TMC2: variants seen among roughly 807,000 people sequenced by gnomAD.
TMC2 encodes the protein transmembrane channel-like protein 2.
Under a neutral mutation model 105.9 loss-of-function variants are expected in TMC2, and 102 were observed. That is an observed-to-expected ratio of 0.96 (90% CI 0.82 to 1.14). The LOEUF (loss-of-function observed/expected upper bound fraction) is 1.14, where lower values mean the gene tolerates loss of function less well. Ranked by LOEUF, TMC2 falls within the 50% of genes most tolerant of loss-of-function variation. The probability of loss-of-function intolerance (pLI) is 0.00; values close to 1 mark genes in which losing one functional copy is unlikely to be tolerated. For missense variants in TMC2, 1,093 were observed against 1,134.3 expected (o/e 0.96, Z 0.52); for synonymous variants, 402 against 422.8 (o/e 0.95, Z 0.60).
chr20:2,546,286 C>G (rs1330869341), intron 2 of TMC2, among the ~76,000 whole-genome samples: 2 of 152,028 alleles, frequency 1.3e-5, no homozygotes, highest in Non-Finnish European at 2.9e-5. Context: ...AAATGTGCAC[C>G]CTAGACAGTT....
In TMC2 at chr20:2,567,919, T is replaced by C. The variant is rs181393181; in HGVS notation, c.555-4260T>C. ...AGTAAAAACTCAGTGAACTTGGAGA[T>C]AGAACAAGAGAAATTACCCAATCTA... On this transcript the variant is annotated intron_variant, in intron 4 of 19. Transcript: ENST00000358864. 2.9e-3 allele frequency among the ~76,000 whole-genome samples: 434 copies of C among 152,040 alleles called. 3 individuals are homozygous for C. Among genetic ancestry groups the C allele is most frequent in the African/African-American group, 8.1e-3 (335 of 41,484 alleles).
rs763678587 is a variant in TMC2, at chr20:2,579,958, G to C, written c.736G>C (p.Gly246Arg). Reference sequence around the variant, plus strand: ...GTCTTTTCTCTCTCTAGGTCACTTTGGTTCTTCAGTGGCATCGTATTTCAT... The same window carrying C: ...GTCTTTTCTCTCTCTAGGTCACTTTCGTTCTTCAGTGGCATCGTATTTCAT... ...MKIKDIESHF[G>R]SSVASYFIFL... Residue 246 changes from glycine (G) to arginine (R), a missense_variant, in exon 7 of 20, where the codon GGT becomes CGT. Coordinates refer to ENST00000358864, the MANE Select transcript of TMC2 (RefSeq NM_080751.3). The C allele has an allele frequency of 1.2e-6, 2 of 1,612,792 alleles. No homozygotes were observed. Among genetic ancestry groups the C allele is most frequent in the African/African-American group, 1.3e-5 (1 of 74,832 alleles).
intron 16 of TMC2, among the ~76,000 whole-genome samples, chr20:2,620,859 A>C (rs374988369): frequency 1.3e-5 from 2 of 152,208 alleles, no homozygotes; most frequent in South Asian, 4.1e-4. Flanking sequence ...AGCTTGGCTG[A>C]TTGGATTTCA....
At chr20:2,640,515 C>G (rs2086680773) in intron 19 of TMC2, among the ~76,000 whole-genome samples, 1 of 152,166 alleles carries the variant, frequency 6.6e-6, no homozygotes, top group South Asian at 2.1e-4. Context: ...ATATGGGGAC[C>G]CTGGCTCCTT....
intron 10 of TMC2, among the ~76,000 whole-genome samples, chr20:2,599,295 T>TTA (rs34461838): frequency 7.9e-6 from 1 of 126,832 alleles, no homozygotes; most frequent in Non-Finnish European, 1.6e-5. Flanking sequence ...GGGATAATGT[T>TTA]AAAAAAAAAA....
At chr20:2,604,174 G>C (rs74532991) in intron 11 of TMC2, among the ~76,000 whole-genome samples, 4 of 152,210 alleles carry the variant, frequency 2.6e-5, no homozygotes, top group African/African-American at 9.6e-5. Flanking sequence ...TCGGGAGAAG[G>C]TTCCAGAGTT....
rs745736188 is a variant in TMC2 at position 2,545,904 on chromosome 20, G to GA, written c.82+8595dup. 6.5e-5 allele frequency among the ~76,000 whole-genome samples: 7 copies of GA among 106,950 alleles called. No individual in the cohort carries two copies. The South Asian group carries it at 1.8e-3, about 27-fold the overall frequency. The allele number at this position is 106,950 out of a possible 152,430, so 70.2% of individuals were successfully genotyped here. A position where few individuals can be genotyped will look rare whatever the true frequency, so the allele number is the denominator to read the frequency against. ...AAAAGAAAGAAATGAAAGAAAGAAA[G>GA]AAAAAAAGAAAGAAATGAAAGAAAG... On this transcript the variant is annotated intron_variant, in intron 2 of 19. Coordinates refer to ENST00000358864, the MANE Select transcript of TMC2 (RefSeq NM_080751.3).
chr20:2,589,755 C>T (rs2086256213), intron 7 of TMC2, among the ~76,000 whole-genome samples: 2 of 152,244 alleles, frequency 1.3e-5, no homozygotes, highest in South Asian at 2.1e-4. Context: ...CTGCAAGCTC[C>T]GCCTCCCAGG....
intron 5 of TMC2, among the ~76,000 whole-genome samples, chr20:2,578,235 G>C (rs2086161567): frequency 6.6e-6 from 1 of 151,886 alleles, no homozygotes; most frequent in Non-Finnish European, 1.5e-5. Context: ...CAGGAGAATA[G>C]CTTGAACCCC....
At position 2,562,023 on chromosome 20, in the gene TMC2, C is replaced by T. The variant is rs7270277; in HGVS notation, c.554+13C>T. 0.35 allele frequency: 556,485 copies of T among 1,610,544 alleles called. 98,732 individuals carry two copies. Among genetic ancestry groups the T allele is most frequent in the East Asian group, 0.49 (21,962 of 44,826 alleles). The stretch of plus-strand genomic sequence containing the variant: ...TGACAGAGCTCAGGTGAGCAGGCTG[C>T]GGGTCAGCCAGGGCCTTCCGATGTC... On this transcript the variant is annotated intron_variant, in intron 4 of 19. Coordinates refer to ENST00000358864, the MANE Select transcript of TMC2 (RefSeq NM_080751.3).
At chr20:2,579,420 ATTTATT>A (rs2086172296) in intron 6 of TMC2, among the ~76,000 whole-genome samples, 193 bp downstream of exon 6, 1 of 147,396 alleles carries the variant, frequency 6.8e-6, no homozygotes, top group South Asian at 2.1e-4. Flanking sequence ...TTATTTATTT[ATTTATT>A]TTTATTTATT....
At chr20:2,597,346 C>G (rs1349131739) in intron 10 of TMC2, 48 bp downstream of exon 10, 17 of 1,581,272 alleles carry the variant, frequency 1.1e-5, no homozygotes, top group Non-Finnish European at 1.4e-5. Flanking sequence ...CTAGGTCCCT[C>G]TGGTCATTGA....
chr20:2,562,036 G>A, intron 4 of TMC2, 26 bp downstream of exon 4: 3 of 1,605,376 alleles, frequency 1.9e-6, no homozygotes, highest in Non-Finnish European at 2.6e-6. Flanking sequence ...GTCAGCCAGG[G>A]CCTTCCGATG....
At chr20:2,568,670 A>C (rs1486610964) in intron 4 of TMC2, among the ~76,000 whole-genome samples, 1 of 152,228 alleles carries the variant, frequency 6.6e-6, no homozygotes, top group Non-Finnish European at 1.5e-5. Context: ...GGAAGAAGAC[A>C]AAAATATGAA....
chr20:2,562,756 G>A (rs2122837001), intron 4 of TMC2, among the ~76,000 whole-genome samples: 1 of 152,236 alleles, frequency 6.6e-6, no homozygotes, highest in African/African-American at 2.4e-5. Flanking sequence ...GACCAGCCTG[G>A]ACAACATGGT....
At chr20:2,600,194 T>C (rs2086340469) in intron 10 of TMC2, among the ~76,000 whole-genome samples, 1 of 152,232 alleles carries the variant, frequency 6.6e-6, no homozygotes, top group Non-Finnish European at 1.5e-5. Context: ...TAAAATGACT[T>C]CTTTTGTAAG....
intron 4 of TMC2, among the ~76,000 whole-genome samples, chr20:2,568,534 C>T (rs1311483224): frequency 6.6e-6 from 1 of 152,176 alleles, no homozygotes; most frequent in Middle Eastern, 3.2e-3. Context: ...GGCTCAATGA[C>T]TCAGGCGCAA....
At chr20:2,636,459 TACACACACACACACAC>T (rs3051763) in intron 18 of TMC2, among the ~76,000 whole-genome samples, 2 of 143,418 alleles carry the variant, frequency 1.4e-5, no homozygotes, top group Non-Finnish European at 3.0e-5. Flanking sequence ...GACTGCTGTC[TACACACACACACACAC>T]ACACACACAC....
rs370771531 is a variant in TMC2, at chr20:2,573,561, C to CTTTTTT, written c.645+1304_645+1309dup. 1.7e-3 allele frequency among the ~76,000 whole-genome samples: 201 copies of CTTTTTT among 116,982 alleles called. 1 individual carries two copies. Among genetic ancestry groups the CTTTTTT allele is most frequent in the South Asian group, 4.1e-3 (15 of 3,636 alleles). The allele number at this position is 116,982 out of a possible 152,430, so 76.7% of individuals were successfully genotyped here. A position where few individuals can be genotyped will look rare whatever the true frequency, so the allele number is the denominator to read the frequency against. ...AATTCTTTTTTTTTTCTTTTCTTTT[C>CTTTTTT]TTTTTTTTTTTTTTTTTGAGACGGA... On this transcript the variant is annotated intron_variant, in intron 5 of 19. Coordinates refer to ENST00000358864, the MANE Select transcript of TMC2 (RefSeq NM_080751.3).
Sources: gnomAD v4.1 joint callset for allele counts (sites outside exome capture counted in the v4.1 genomes callset) on GRCh38, gnomAD v4.1.1 for gene constraint, MANE v1.5 for transcripts, NCBI Gene and HGNC (gene_info 2026-07-23, HGNC 2026-07-21) for gene names.